SCRN1: variants seen among roughly 807,000 people sequenced by gnomAD.
The protein encoded by SCRN1 is secernin 1.
A neutral mutation model predicts 43.3 loss-of-function variants in SCRN1; 19 were observed. That is an observed-to-expected ratio of 0.44 (90% CI 0.31 to 0.64). SCRN1 has a LOEUF of 0.64. Ranked by LOEUF, SCRN1 falls within the 30% of genes least tolerant of loss-of-function variation. The pLI is 0.09. For synonymous variants in SCRN1, 183 were observed against 188.9 expected (o/e 0.97, Z 0.26); for missense variants, 447 against 524.1 (o/e 0.85, Z 1.44).
intron 3 of SCRN1, among the ~76,000 whole-genome samples, chr7:29,949,776 C>A (rs1787857100): frequency 6.6e-6 from 1 of 152,100 alleles, no homozygotes; most frequent in Non-Finnish European, 1.5e-5. Context: ...TTGGACTCAG[C>A]AATCTTCCCG....
At chr7:29,952,582 C>A (rs768862144) in intron 3 of SCRN1, among the ~76,000 whole-genome samples, 3 of 151,946 alleles carry the variant, frequency 2.0e-5, no homozygotes, top group Non-Finnish European at 2.9e-5. Flanking sequence ...CCCATCTACT[C>A]AGGAGGCTGA....
Position 29,950,093 on chromosome 7 carries a change from C to G in SCRN1, c.341+5086G>C, listed in dbSNP as rs1027032604. Among the ~76,000 whole-genome samples, 10 of 152,234 alleles carry G rather than the reference C, an allele frequency of 6.6e-5. No homozygotes were observed. Among genetic ancestry groups the G allele is most frequent in the Admixed American group, 5.2e-4 (8 of 15,290 alleles). On this transcript the variant is annotated intron_variant, in intron 3 of 7. Coordinates refer to ENST00000242059, the MANE Select transcript of SCRN1 (RefSeq NM_014766.5). This position sits in a 1 kb window ranked among gnomAD's most constrained non-coding sequence, Gnocchi z 4.5. ...GGGAGCCCCATGCTCCCAGGCACAG[C>G]TGCAGCTGCTCTGGACCTGGGCATC... is the stretch of plus-strand genomic sequence containing the variant.
intron 1 of SCRN1, among the ~76,000 whole-genome samples, chr7:29,971,386 A>C (rs1014868919): frequency 2.6e-5 from 4 of 152,228 alleles, no homozygotes; most frequent in African/African-American, 9.6e-5. Flanking sequence ...TAATCCCAGC[A>C]CTTTGGGAGG....
intron 3 of SCRN1, among the ~76,000 whole-genome samples, chr7:29,951,519 A>C (rs1237636014): frequency 6.6e-6 from 1 of 152,216 alleles, no homozygotes; most frequent in Non-Finnish European, 1.5e-5. Flanking sequence ...CTGGGATTAC[A>C]GGCATGAGCC....
At chr7:29,971,532 C>T (rs1788664390) in intron 1 of SCRN1, among the ~76,000 whole-genome samples, 1 of 151,176 alleles carries the variant, frequency 6.6e-6, no homozygotes, top group Admixed American at 6.6e-5. Context: ...ACTTGGGAGG[C>T]TGAGGAGGGA....
At chr7:29,952,199 C>T (rs1787959547) in intron 3 of SCRN1, among the ~76,000 whole-genome samples, 2 of 152,230 alleles carry the variant, frequency 1.3e-5, no homozygotes, top group Admixed American at 1.3e-4. Flanking sequence ...CTTGTTAAAA[C>T]AGGTTGCTGG....
At chr7:29,951,552 C>T (rs899503009) in intron 3 of SCRN1, among the ~76,000 whole-genome samples, 4 of 152,220 alleles carry the variant, frequency 2.6e-5, no homozygotes, top group Non-Finnish European at 5.9e-5. Context: ...CAAATTCCCA[C>T]TTTTATGTTA....
chr7:29,989,421 C>T (rs1789285503), intron 1 of SCRN1, among the ~76,000 whole-genome samples: 1 of 152,162 alleles, frequency 6.6e-6, no homozygotes, highest in African/African-American at 2.4e-5. Context: ...AGTCCCCGAG[C>T]CGAGTCACCC....
At chr7:29,960,109 G>GT (rs1442705733) in intron 2 of SCRN1, among the ~76,000 whole-genome samples, 1 of 151,926 alleles carries the variant, frequency 6.6e-6, no homozygotes, top group African/African-American at 2.4e-5. Flanking sequence ...CTTTCCTATT[G>GT]TAAGAAATAA....
intron 2 of SCRN1, among the ~76,000 whole-genome samples, chr7:29,961,042 C>CT (rs1788288434): frequency 6.7e-6 from 1 of 149,008 alleles, no homozygotes; most frequent in African/African-American, 2.5e-5. Context: ...GAACTCTGTG[C>CT]TGGAGGATCT....
chr7:29,948,703 G>C (rs571113669), intron 3 of SCRN1, among the ~76,000 whole-genome samples: 1 of 152,216 alleles, frequency 6.6e-6, no homozygotes, highest in Non-Finnish European at 1.5e-5. Flanking sequence ...GTTATGCAAA[G>C]GGAAGAAGAG....
intron 6 of SCRN1, among the ~76,000 whole-genome samples, chr7:29,928,584 A>G (rs899102900): frequency 6.6e-6 from 1 of 152,196 alleles, no homozygotes; most frequent in African/African-American, 2.4e-5. Context: ...ACGCAAATAT[A>G]ATTGGAGACT....
intron 4 of SCRN1, among the ~76,000 whole-genome samples, chr7:29,943,259 T>G (rs984226137): frequency 3.9e-5 from 6 of 152,180 alleles, no homozygotes; most frequent in Non-Finnish European, 7.4e-5. Flanking sequence ...TTAGGACTAC[T>G]TAGTTCTCTT....
chr7:29,927,584 C>A (rs1787010623), intron 6 of SCRN1, among the ~76,000 whole-genome samples: 2 of 152,204 alleles, frequency 1.3e-5, no homozygotes, highest in Admixed American at 1.3e-4. Context: ...TTCAGCTGTA[C>A]CATGGGGCAG....
At chr7:29,924,858 A>AGTCC (rs1266663689) in intron 7 of SCRN1, among the ~76,000 whole-genome samples, 1 of 152,180 alleles carries the variant, frequency 6.6e-6, no homozygotes, top group Non-Finnish European at 1.5e-5. Context: ...TTGCCCCATG[A>AGTCC]GTCCCAGAAC....
chr7:29,973,519 T>C (rs1302931740), intron 1 of SCRN1, among the ~76,000 whole-genome samples: 2 of 152,184 alleles, frequency 1.3e-5, no homozygotes, highest in African/African-American at 4.8e-5. Context: ...AAAAAGCTGA[T>C]GCAACTGAGG....
At position 29,955,283 on chromosome 7, in the gene SCRN1, T is replaced by G. The variant is rs2128093982; in HGVS notation, c.237A>C (p.Ala79=). 2 of 1,614,218 alleles carry G rather than the reference T, an allele frequency of 1.2e-6. No homozygotes were observed. The highest frequency in any genetic ancestry group is 4.5e-5 in the East Asian group (2 of 44,882). Residue 79 remains alanine (A), a synonymous_variant, in exon 3 of 8, where the codon GCA becomes GCC. Transcript: ENST00000242059. ...CTCCATGTTCATTGGCTCCCATTTC[T>G]GCTCCCCAGAGCCAGGCGGGTCTGC... ...MISRPAWLWG[A]EMGANEHGVC... is the part of the protein sequence containing the mutation.
chr7:29,942,921 C>T (rs918720123), intron 4 of SCRN1, among the ~76,000 whole-genome samples: 1 of 152,140 alleles, frequency 6.6e-6, no homozygotes, highest in African/African-American at 2.4e-5. Flanking sequence ...AAGCCCTGAT[C>T]ACTGGACTAA....
At position 29,921,205 on chromosome 7, in the gene SCRN1, A is replaced by T. The variant is rs1183028906; in HGVS notation, c.*2752T>A. 6.6e-6 allele frequency: 1 copy of T among 152,668 alleles called. No individual in the cohort carries two copies. Among genetic ancestry groups the T allele is most frequent in the Non-Finnish European group, 1.5e-5 (1 of 68,048 alleles). 9.5% of individuals were successfully genotyped at this position (152,668 alleles called of 1,614,324 possible). On this transcript the variant is annotated 3_prime_UTR_variant, in exon 8 of 8. Coordinates refer to ENST00000242059, the MANE Select transcript of SCRN1 (RefSeq NM_014766.5). ...AGCCCCCACCCCAGTCTGAAAAGATACACAAAGGGTTTCCTAGGAAGCTAC... is the reference window on the plus strand; with the variant it reads ...AGCCCCCACCCCAGTCTGAAAAGATTCACAAAGGGTTTCCTAGGAAGCTAC...
Sources: allele counts gnomAD v4.1 joint callset (sites outside exome capture counted in the v4.1 genomes callset), GRCh38; gene constraint gnomAD v4.1.1; non-coding constraint Gnocchi (gnomAD v3.1); transcripts MANE v1.5; gene names NCBI Gene and HGNC (gene_info 2026-07-23, HGNC 2026-07-21).